RAPGEF5: variants seen among roughly 807,000 people sequenced by gnomAD.
RAPGEF5 encodes Rap guanine nucleotide exchange factor 5.
In RAPGEF5, 65 loss-of-function variants were observed where a neutral mutation model predicts 125.2. The observed-to-expected ratio is 0.52, with a 90% CI of 0.43 to 0.64. The LOEUF (loss-of-function observed/expected upper bound fraction) is 0.64, where lower values mean the gene tolerates loss of function less well. Among genes scored for constraint, RAPGEF5 ranks in the 30% least tolerant of loss-of-function variants. The probability of loss-of-function intolerance (pLI) is 0.00; values close to 1 mark genes in which losing one functional copy is unlikely to be tolerated. For missense variants in RAPGEF5, 958 were observed against 1,048.1 expected (o/e 0.91, Z 1.19); for synonymous variants, 391 against 385.9 (o/e 1.01, Z -0.16).
chr7:22,152,875 T>C (rs1783673672), intron 17 of RAPGEF5, among the ~76,000 whole-genome samples: 1 of 152,200 alleles, frequency 6.6e-6, no homozygotes, highest in South Asian at 2.1e-4. Flanking sequence ...TGGAAAATAA[T>C]GGCACATTGC....
intron 5 of RAPGEF5, among the ~76,000 whole-genome samples, chr7:22,302,557 A>G (rs1426887744): frequency 1.3e-5 from 2 of 152,130 alleles, no homozygotes; most frequent in Non-Finnish European, 2.9e-5. Context: ...GAGGATGAAA[A>G]AATGCCTACT....
At chr7:22,266,678 T>A (rs1159359934) in intron 7 of RAPGEF5, among the ~76,000 whole-genome samples, 1 of 152,210 alleles carries the variant, frequency 6.6e-6, no homozygotes, top group Non-Finnish European at 1.5e-5. Context: ...TAGATCCTTA[T>A]ATGGTTGCAA....
intron 11 of RAPGEF5, among the ~76,000 whole-genome samples, chr7:22,174,797 G>A (rs1784454886): frequency 6.6e-6 from 1 of 152,190 alleles, no homozygotes. Context: ...ACTCAGACTG[G>A]ATAAGGGAAG....
rs565710772 is a variant in RAPGEF5, at chr7:22,341,840, C to A, written c.231+14990G>T. Among the ~76,000 whole-genome samples, 3 of 152,218 alleles carry A rather than the reference C, an allele frequency of 2.0e-5. No individual in the cohort carries two copies. The South Asian group carries it at 6.2e-4, about 32-fold the overall frequency. On this transcript the variant is annotated intron_variant, in intron 1 of 25. Transcript: ENST00000665637. ...TTTGCAGGGTATATTCCCCTCCAGG[C>A]TGCTTTCACAGGCTGGTGTTGAATG... is the stretch of plus-strand genomic sequence containing the variant.
intron 24 of RAPGEF5, among the ~76,000 whole-genome samples, chr7:22,127,140 G>A (rs913088197): frequency 4.0e-5 from 6 of 148,924 alleles, no homozygotes; most frequent in South Asian, 2.1e-4. Context: ...CCAGGTTCAA[G>A]TGATTCTCCT....
At chr7:22,188,693 G>C (rs986747960) in intron 11 of RAPGEF5, among the ~76,000 whole-genome samples, 8 of 151,176 alleles carry the variant, frequency 5.3e-5, no homozygotes, top group African/African-American at 2.0e-4. Flanking sequence ...TTGAACTTGG[G>C]AGGTGGAGGT....
At chr7:22,219,701 G>A (rs142173855) in intron 9 of RAPGEF5, among the ~76,000 whole-genome samples, 165 bp downstream of exon 9, 11 of 152,134 alleles carry the variant, frequency 7.2e-5, no homozygotes, top group Non-Finnish European at 1.5e-4. Flanking sequence ...CTTGCTTAGA[G>A]CTATGAGCAG....
At chr7:22,144,967 T>C (rs1783385352) in intron 20 of RAPGEF5, 77 bp downstream of exon 20, 1 of 1,476,428 alleles carries the variant, frequency 6.8e-7, no homozygotes, top group South Asian at 1.4e-5. Flanking sequence ...CTTATCATCA[T>C]AAGAAAGAAA....
rs1238150358 is a variant in RAPGEF5, at chr7:22,120,708, C to A, written c.*1698G>T. ...GAATGGACCAGCCCTGGAGGATGCC[C>A]TTCTATAAAACCCTATAAATGTTCA... On this transcript the variant is annotated 3_prime_UTR_variant, in exon 26 of 26. Transcript: ENST00000665637. The surrounding 1 kb of genome is among the most constrained non-coding windows in gnomAD (Gnocchi z 4.0). The A allele has an allele frequency of 6.6e-6, 1 of 152,312 alleles. No individual in the cohort carries two copies. The highest frequency in any genetic ancestry group is 2.4e-5 in the African/African-American group (1 of 41,402). The allele number at this position is 152,312 out of a possible 1,614,324, so 9.4% of individuals were successfully genotyped here.
intron 9 of RAPGEF5, among the ~76,000 whole-genome samples, chr7:22,208,910 G>A (rs957224326): frequency 6.6e-6 from 1 of 152,188 alleles, no homozygotes. Flanking sequence ...ACCACAAAGT[G>A]TGGGGCACCA....
chr7:22,348,856 G>A (rs1784274910), intron 1 of RAPGEF5, among the ~76,000 whole-genome samples: 1 of 152,180 alleles, frequency 6.6e-6, no homozygotes, highest in Non-Finnish European at 1.5e-5. Flanking sequence ...GGAGGGCAAG[G>A]CATGCGGATC....
chr7:22,342,015 TC>T (rs1454629480), intron 1 of RAPGEF5, among the ~76,000 whole-genome samples: 1 of 152,144 alleles, frequency 6.6e-6, no homozygotes, highest in Admixed American at 6.5e-5. Context: ...CACCCCACAT[TC>T]CCCTTCCACA....
chr7:22,320,333 G>A (rs1783690651), intron 1 of RAPGEF5, among the ~76,000 whole-genome samples: 1 of 152,148 alleles, frequency 6.6e-6, no homozygotes, highest in South Asian at 2.1e-4. Flanking sequence ...CTTCCGCAGA[G>A]ACCACTTTAT....
At position 22,150,513 on chromosome 7, in the gene RAPGEF5, G is replaced by GGA. The variant is rs778160951; in HGVS notation, c.1787-10_1787-9insTC. On this transcript the variant is annotated splice_polypyrimidine_tract_variant and intron_variant, in intron 17 of 25. Transcript: ENST00000665637. The stretch of plus-strand genomic sequence containing the variant: ...CTGAAGTTCATGCTTTTCTTTATTT[G>GGA]AAAAAAAAAAAAAAAAAAGGAATAA... 14 of 1,352,478 alleles carry GGA rather than the reference G, an allele frequency of 1.0e-5. No homozygotes were observed. In the Middle Eastern group the frequency reaches 1.0e-3, roughly 99 times the overall value. 83.8% of individuals were successfully genotyped at this position (1,352,478 alleles called of 1,614,324 possible). A position where few individuals can be genotyped will look rare whatever the true frequency, so the allele number is the denominator to read the frequency against.
chr7:22,226,398 C>T (rs1023808230), intron 8 of RAPGEF5, among the ~76,000 whole-genome samples: 3 of 151,988 alleles, frequency 2.0e-5, no homozygotes, highest in African/African-American at 7.3e-5. Flanking sequence ...CTGTATGCAC[C>T]TTATTTTGAA....
chr7:22,211,329 G>A (rs377389923), intron 9 of RAPGEF5, among the ~76,000 whole-genome samples: 5 of 152,212 alleles, frequency 3.3e-5, no homozygotes, highest in East Asian at 3.8e-4. Context: ...ATACAGCACA[G>A]TAAGTTGTAT....
In RAPGEF5 at chr7:22,232,314, CTT is replaced by C. The variant is rs5882838; in HGVS notation, c.797-1397_797-1396del. On this transcript the variant is annotated intron_variant, in intron 7 of 25. Coordinates refer to ENST00000665637, the MANE Select transcript of RAPGEF5 (RefSeq NM_012294.5). ...GATTCAGTTTACATTATTCTGTGTG[CTT>C]TTTTTTTTTTTTTTTGAGATGAAGT... is the stretch of plus-strand genomic sequence containing the variant. 6.6e-3 allele frequency among the ~76,000 whole-genome samples: 921 copies of C among 139,302 alleles called. 11 individuals carry two copies. The highest frequency in any genetic ancestry group is 8.0e-3 in the Non-Finnish European group (510 of 63,494). 91.4% of individuals were successfully genotyped at this position (139,302 alleles called of 152,430 possible). A position where few individuals can be genotyped will look rare whatever the true frequency, so the allele number is the denominator to read the frequency against.
chr7:22,246,527 T>C (rs1048940212), intron 7 of RAPGEF5, among the ~76,000 whole-genome samples: 8 of 152,110 alleles, frequency 5.3e-5, no homozygotes, highest in Non-Finnish European at 8.8e-5. Context: ...CTAGCCAATA[T>C]ACAAAAGAAT....
intron 7 of RAPGEF5, among the ~76,000 whole-genome samples, chr7:22,247,095 T>A (rs1280243335): frequency 1.3e-5 from 2 of 152,224 alleles, no homozygotes. Context: ...CTGGCAAGAC[T>A]GCAGAGAAAA....
Sources: allele counts gnomAD v4.1 joint callset (sites outside exome capture counted in the v4.1 genomes callset), GRCh38; gene constraint gnomAD v4.1.1; non-coding constraint Gnocchi (gnomAD v3.1); transcripts MANE v1.5; gene names NCBI Gene and HGNC (gene_info 2026-07-23, HGNC 2026-07-21).